ODR4: variants seen among roughly 807,000 people sequenced by gnomAD.
The protein encoded by ODR4 is odr-4 GPCR localization factor homolog.
ODR4 carries 47 observed loss-of-function variants against 60.2 expected under a neutral mutation model. That is an observed-to-expected ratio of 0.78 (90% CI 0.62 to 1.00). The LOEUF is 1.00. Among genes scored for constraint, ODR4 ranks in the 50% least tolerant of loss-of-function variants. The pLI is 0.00. For synonymous variants in ODR4, 178 were observed against 175.5 expected (o/e 1.01, Z -0.11); for missense variants, 488 against 530.8 (o/e 0.92, Z 0.79).
At chr1:186,402,020 A>AT (rs995217637) in intron 11 of ODR4, among the ~76,000 whole-genome samples, 1 of 151,696 alleles carries the variant, frequency 6.6e-6, no homozygotes, top group Non-Finnish European at 1.5e-5. Context: ...TTCAATCGTG[A>AT]TTTTTTATCA....
chr1:186,399,265 C>G, intron 11 of ODR4: 1 of 536,776 alleles, frequency 1.9e-6, no homozygotes, highest in South Asian at 1.6e-5. Context: ...GGTGCAGTGG[C>G]ACAGTCATGG....
rs374644017 is a variant in ODR4, at chr1:186,401,199, A to G, written c.1000+2155A>G. The G allele has an allele frequency of 5.3e-4, 831 of 1,562,850 alleles. 3 individuals are homozygous for G. Among genetic ancestry groups the G allele is most frequent in the Non-Finnish European group, 6.2e-4 (712 of 1,142,876 alleles). ...ACTTTGAAATTTTTGCTGATGTTCA[A>G]TTAGTAAAATTAATGGCCCCTAACA... On this transcript the variant is annotated intron_variant, in intron 11 of 13. Coordinates refer to ENST00000287859, the MANE Select transcript of ODR4 (RefSeq NM_017847.6).
Position 186,379,854 on chromosome 1 carries a change from G to GGA in ODR4, c.70_71insAG (p.Ala24GlufsTer8). ...TTTCAAACATAAATCTCCAAGGAAA[G>GGA]GCTTTTGTCTCTGGCCTTTTAATAG... On this transcript the variant is annotated frameshift_variant, in exon 2 of 14. Coordinates refer to ENST00000287859, the MANE Select transcript of ODR4 (RefSeq NM_017847.6). LOFTEE classifies it high-confidence loss of function. 6.2e-7 allele frequency: 1 copy of GGA among 1,607,882 alleles called. No homozygotes were observed. The highest frequency in any genetic ancestry group is 1.3e-5 in the African/African-American group (1 of 74,614).
chr1:186,411,207 G>A (rs1462495405), intron 12 of ODR4, among the ~76,000 whole-genome samples: 1 of 152,082 alleles, frequency 6.6e-6, no homozygotes, highest in Non-Finnish European at 1.5e-5. Flanking sequence ...GGAATGCTAA[G>A]CTGGTGTACT....
chr1:186,388,783 C>T (rs1353135786), intron 5 of ODR4, among the ~76,000 whole-genome samples: 1 of 152,132 alleles, frequency 6.6e-6, no homozygotes, highest in East Asian at 1.9e-4. Context: ...ACTCAGGATT[C>T]TGAATTTTTT....
At chr1:186,403,500 G>C (rs1175110470) in intron 11 of ODR4, among the ~76,000 whole-genome samples, 1 of 151,904 alleles carries the variant, frequency 6.6e-6, no homozygotes, top group Non-Finnish European at 1.5e-5. Flanking sequence ...CTGTAATATA[G>C]TAAAATGTAG....
rs1464281935 is a variant in ODR4 at position 186,417,573 on chromosome 1, G to A, written c.1216G>A (p.Ala406Thr). 2 of 1,598,272 alleles carry A rather than the reference G, an allele frequency of 1.3e-6. No homozygotes were observed. The highest frequency in any genetic ancestry group is 2.2e-5 in the East Asian group (1 of 44,518). Residue 406 changes from alanine to threonine, a missense_variant, in exon 13 of 14, where the codon GCT becomes ACT. Ala to Thr is a moderately conservative substitution (Grantham distance 58). Transcript: ENST00000287859. Reference protein sequence around the residue: ...ACMSSSMNSQASLDNTDDEQP... With the variant: ...ACMSSSMNSQTSLDNTDDEQP... ...TATGAGTTCTTCTATGAATAGTCAA[G>A]CTTCATTGGACAACACAGATGATGA...
At chr1:186,406,897 C>G (rs1198164377) in intron 12 of ODR4, among the ~76,000 whole-genome samples, 1 of 151,870 alleles carries the variant, frequency 6.6e-6, no homozygotes, top group Non-Finnish European at 1.5e-5. Flanking sequence ...CTAGTGAGTT[C>G]AGTGTATGAA....
chr1:186,408,875 T>C (rs1357526755), intron 12 of ODR4, among the ~76,000 whole-genome samples: 1 of 152,010 alleles, frequency 6.6e-6, no homozygotes, highest in Non-Finnish European at 1.5e-5. Context: ...TCTAGGTTTT[T>C]TAAATAATTC....
intron 5 of ODR4, among the ~76,000 whole-genome samples, chr1:186,389,132 TG>T (rs1307440458): frequency 6.7e-6 from 1 of 150,068 alleles, no homozygotes; most frequent in Non-Finnish European, 1.5e-5. Flanking sequence ...TGACCATTCC[TG>T]CAGAAGCAGG....
At chr1:186,389,245 T>C (rs1206589872) in intron 5 of ODR4, among the ~76,000 whole-genome samples, 1 of 152,084 alleles carries the variant, frequency 6.6e-6, no homozygotes, top group Non-Finnish European at 1.5e-5. Context: ...AGGTTTGACC[T>C]CATATAAAAC....
Position 186,389,582 on chromosome 1 carries a change from G to C in ODR4, c.438-6G>C. Reference sequence around the variant, plus strand: ...TTTTGGTTATTTCTGTCCTTAATTAGTGAAGAATATTTTGTCGAACTTATG... The same window carrying C: ...TTTTGGTTATTTCTGTCCTTAATTACTGAAGAATATTTTGTCGAACTTATG... On this transcript the variant is annotated splice_polypyrimidine_tract_variant and splice_region_variant and intron_variant, in intron 5 of 13. Transcript: ENST00000287859. The C allele has an allele frequency of 6.5e-7, 1 of 1,533,050 alleles. No homozygotes were observed. The highest frequency in any genetic ancestry group is 8.9e-7 in the Non-Finnish European group (1 of 1,127,514). The allele number at this position is 1,533,050 out of a possible 1,614,324, so 95.0% of individuals were successfully genotyped here. A position where few individuals can be genotyped will look rare whatever the true frequency, so the allele number is the denominator to read the frequency against.
chr1:186,411,136 C>T (rs1661368191), intron 12 of ODR4, among the ~76,000 whole-genome samples: 1 of 151,958 alleles, frequency 6.6e-6, no homozygotes, highest in African/African-American at 2.4e-5. Flanking sequence ...TTTTTGAGCA[C>T]CGATATGATG....
At chr1:186,396,760 T>TAGATAGATAGATAGATAG (rs879338626) in intron 9 of ODR4, among the ~76,000 whole-genome samples, 1 of 117,052 alleles carries the variant, frequency 8.5e-6, no homozygotes, top group African/African-American at 3.3e-5. Flanking sequence ...TAGATAGATA[T>TAGATAGATAGATAGATAG]ATGTATATAC....
In ODR4 at chr1:186,399,051, G is replaced by A. The variant is rs1316838295; in HGVS notation, c.1000+7G>A. ...GAAATTCCAGAAAAAAAAGTTATGAGTATAAAATAAGTACTTTTTTGCGTA... is the reference window on the plus strand; with the variant it reads ...GAAATTCCAGAAAAAAAAGTTATGAATATAAAATAAGTACTTTTTTGCGTA... On this transcript the variant is annotated splice_region_variant and intron_variant, in intron 11 of 13. Transcript: ENST00000287859. The A allele has an allele frequency of 6.3e-7, 1 of 1,583,648 alleles. No individual in the cohort carries two copies. Among genetic ancestry groups the A allele is most frequent in the South Asian group, 1.1e-5 (1 of 88,522 alleles).
At position 186,419,114 on chromosome 1, in the gene ODR4, A is replaced by G. The variant is rs1184992846; in HGVS notation, c.*38A>G. ...AGAGTTTCTTGATCATCCAGAGAAC[A>G]TTGACAGACAATTATGAATAATAAA... On this transcript the variant is annotated 3_prime_UTR_variant, in exon 14 of 14. Coordinates refer to ENST00000287859, the MANE Select transcript of ODR4 (RefSeq NM_017847.6). The G allele has an allele frequency of 2.7e-6, 4 of 1,505,010 alleles. No individual in the cohort carries two copies. Among genetic ancestry groups the G allele is most frequent in the Middle Eastern group, 1.7e-4 (1 of 5,902 alleles). The allele number at this position is 1,505,010 out of a possible 1,614,324, so 93.2% of individuals were successfully genotyped here. A position where few individuals can be genotyped will look rare whatever the true frequency, so the allele number is the denominator to read the frequency against.
At chr1:186,382,982 C>G in intron 2 of ODR4, 40 bp from the exon 3 acceptor site, 1 of 1,547,484 alleles carries the variant, frequency 6.5e-7, no homozygotes, top group East Asian at 2.3e-5. Flanking sequence ...ATTGAGGAAT[C>G]AGATATCACT....
chr1:186,376,541 A>G (rs1039573532), intron 1 of ODR4, among the ~76,000 whole-genome samples: 2 of 152,186 alleles, frequency 1.3e-5, no homozygotes, highest in Admixed American at 1.3e-4. Flanking sequence ...TTCTTATATG[A>G]AATTTATTCT....
At chr1:186,383,476 A>T (rs1427246987) in intron 3 of ODR4, among the ~76,000 whole-genome samples, 12 of 151,988 alleles carry the variant, frequency 7.9e-5, no homozygotes, top group Admixed American at 7.9e-4. Flanking sequence ...GGGTGAGGGG[A>T]GGGAACTTAG....
Sources: gnomAD v4.1 joint callset for allele counts (sites outside exome capture counted in the v4.1 genomes callset) on GRCh38, gnomAD v4.1.1 for gene constraint, MANE v1.5 for transcripts, NCBI Gene and HGNC (gene_info 2026-07-23, HGNC 2026-07-21) for gene names.